Variants in UBXN2A observed in about 807,000 individuals in gnomAD.
The protein encoded by UBXN2A is UBX domain protein 2A.
In UBXN2A, 28 loss-of-function variants were observed where a neutral mutation model predicts 28.4. The observed-to-expected ratio is 0.99, with a 90% CI of 0.73 to 1.35. UBXN2A has a LOEUF of 1.35. Among genes scored for constraint, UBXN2A ranks in the 40% most tolerant of loss-of-function variants. The probability of loss-of-function intolerance (pLI) is 0.00; values close to 1 mark genes in which losing one functional copy is unlikely to be tolerated. For missense variants in UBXN2A, 253 were observed against 297.9 expected, an observed-to-expected ratio of 0.85 and a Z score of 1.11; for synonymous variants, 97 against 103.6, an observed-to-expected ratio of 0.94 and a Z score of 0.39.
At chr2:23,982,279 A>G (rs1289823196) in intron 4 of UBXN2A, among the ~76,000 whole-genome samples, 1 of 151,940 alleles carries the variant, frequency 6.6e-6, no homozygotes, top group Non-Finnish European at 1.5e-5. Flanking sequence ...AGGCAGGAGA[A>G]TGGCGTGAAC....
At chr2:23,959,628 A>C (rs895551437) in intron 2 of UBXN2A, among the ~76,000 whole-genome samples, 13 of 152,224 alleles carry the variant, frequency 8.5e-5, no homozygotes, top group African/African-American at 3.1e-4. Flanking sequence ...ATAATTTATT[A>C]CAGTGAAGGG....
intron 2 of UBXN2A, among the ~76,000 whole-genome samples, chr2:23,969,966 C>G (rs1707346386): frequency 6.6e-6 from 1 of 152,174 alleles, no homozygotes. Flanking sequence ...GCATAGTAAT[C>G]CCTTTTAAAG....
At chr2:23,933,800 T>C (rs909953327) in intron 1 of UBXN2A, among the ~76,000 whole-genome samples, 1 of 152,074 alleles carries the variant, frequency 6.6e-6, no homozygotes, top group Admixed American at 6.6e-5. Context: ...TGCAAGTCTA[T>C]AGGGAGGCCA....
At chr2:23,990,373 T>C (rs546100844) in intron 6 of UBXN2A, among the ~76,000 whole-genome samples, 22 of 151,858 alleles carry the variant, frequency 1.4e-4, no homozygotes, top group African/African-American at 5.1e-4. Flanking sequence ...CTGTTGTGAT[T>C]TTTACTGGGC....
rs1032272215 is a variant in UBXN2A, at chr2:23,971,179, C to T, written c.42-97C>T. The T allele has an allele frequency of 2.2e-5, 29 of 1,308,682 alleles. No homozygotes were observed. The East Asian group carries it at 2.4e-4, about 11-fold the overall frequency. 81.1% of individuals were successfully genotyped at this position (1,308,682 alleles called of 1,614,324 possible). ...AGAGGGCCTGAACTACAGACATGCA[C>T]GTAGCATCTAAGTTCAATATCCTTA... is the stretch of plus-strand genomic sequence containing the variant. On this transcript the variant is annotated intron_variant, in intron 2 of 6. Transcript: ENST00000309033.
At chr2:23,944,146 G>A (rs1414512348) in intron 1 of UBXN2A, 1 of 977,750 alleles carries the variant, frequency 1.0e-6, no homozygotes, top group Non-Finnish European at 1.6e-6. Context: ...GTCTTACTTG[G>A]AACTCATTGG....
intron 3 of UBXN2A, among the ~76,000 whole-genome samples, chr2:23,972,309 G>A (rs1385326530): frequency 1.3e-5 from 2 of 152,158 alleles, no homozygotes; most frequent in African/African-American, 4.8e-5. Flanking sequence ...GTGCTGACAT[G>A]ATGCTCAAAG....
chr2:23,979,850 C>T (rs896332363), intron 4 of UBXN2A, among the ~76,000 whole-genome samples: 1 of 151,826 alleles, frequency 6.6e-6, no homozygotes, highest in Non-Finnish European at 1.5e-5. Flanking sequence ...GGATTACCAG[C>T]GTGAGCCACC....
chr2:23,998,281 T>C (rs546135188), intron 6 of UBXN2A, among the ~76,000 whole-genome samples: 1 of 152,224 alleles, frequency 6.6e-6, no homozygotes, highest in Admixed American at 6.5e-5. Flanking sequence ...ATAGGTACTT[T>C]TCTAGGCACC....
upstream of UBXN2A, among the ~76,000 whole-genome samples, chr2:23,936,376 C>T (rs1048782772): frequency 3.3e-5 from 5 of 151,598 alleles, no homozygotes; most frequent in African/African-American, 9.7e-5. Context: ...TAGGAGTCCA[C>T]GTATATGAGG....
chr2:23,988,122 CAAAAAAAA>C (rs34140980), intron 6 of UBXN2A, among the ~76,000 whole-genome samples: 2 of 121,048 alleles, frequency 1.7e-5, no homozygotes, highest in Non-Finnish European at 3.5e-5. Context: ...GGCTCCATCT[CAAAAAAAA>C]AAAAAAAAAG....
chr2:23,960,218 T>C (rs1307136178), intron 2 of UBXN2A, among the ~76,000 whole-genome samples: 1 of 151,878 alleles, frequency 6.6e-6, no homozygotes, highest in Non-Finnish European at 1.5e-5. Flanking sequence ...ATCGCGCCAC[T>C]GCACTCCAGC....
intron 6 of UBXN2A, among the ~76,000 whole-genome samples, chr2:23,987,063 A>T (rs1303843586): frequency 2.0e-5 from 3 of 152,034 alleles, no homozygotes; most frequent in Admixed American, 6.6e-5. Context: ...ACTGTACCCC[A>T]GCCTGGGTGA....
At chr2:23,933,466 A>T (rs941353619) in intron 1 of UBXN2A, among the ~76,000 whole-genome samples, 3 of 152,256 alleles carry the variant, frequency 2.0e-5, no homozygotes, top group Non-Finnish European at 4.4e-5. Flanking sequence ...AGATCGCACC[A>T]TTGCATTCCA....
intron 6 of UBXN2A, among the ~76,000 whole-genome samples, chr2:23,998,106 C>G (rs184506084): frequency 1.7e-4 from 26 of 152,302 alleles, no homozygotes; most frequent in African/African-American, 5.8e-4. Flanking sequence ...GCCACCACAC[C>G]TGGCCTATTT....
At chr2:23,938,550 C>G (rs576458151), upstream of UBXN2A, among the ~76,000 whole-genome samples, 10 of 142,940 alleles carry the variant, frequency 7.0e-5, 1 homozygote, top group South Asian at 2.1e-3. Flanking sequence ...GTGGCCCCCC[C>G]CTCCCTTTTT....
intron 1 of UBXN2A, among the ~76,000 whole-genome samples, chr2:23,934,936 G>A (rs1573520422): frequency 6.6e-6 from 1 of 152,092 alleles, no homozygotes; most frequent in East Asian, 1.9e-4. Flanking sequence ...TTAGCTGGGT[G>A]TGGCGGTGCA....
chr2:23,975,228 A>T (rs1268776548), intron 3 of UBXN2A, among the ~76,000 whole-genome samples: 24 of 152,216 alleles, frequency 1.6e-4, no homozygotes, highest in Admixed American at 1.6e-3. Context: ...CTTTAACGTA[A>T]CAAGTATATG....
rs35708014 is a variant in UBXN2A, at chr2:23,932,331, GAAA to G, written c.-138+4727_-138+4729del. Among the ~76,000 whole-genome samples, 514 of 146,820 alleles carry G rather than the reference GAAA, an allele frequency of 3.5e-3. 6 individuals carry two copies. Among genetic ancestry groups the G allele is most frequent in the Middle Eastern group, 0.021 (6 of 282 alleles). On this transcript the variant is annotated intron_variant, in intron 1 of 7. Coordinates refer to the UBXN2A transcript ENST00000404924. The stretch of plus-strand genomic sequence containing the variant: ...GGATTTTTCCCCCTCCGTCTTGGGG[GAAA>G]AAAAAAAAAAGAAATGCAAAAGACA...
Sources: gnomAD v4.1 joint callset for allele counts (sites outside exome capture counted in the v4.1 genomes callset) on GRCh38, gnomAD v4.1.1 for gene constraint, MANE v1.5 for transcripts, NCBI Gene and HGNC (gene_info 2026-07-23, HGNC 2026-07-21) for gene names.